Variants in QTRT1 observed in about 807,000 individuals in gnomAD.
The protein encoded by QTRT1 is TGT, 43-KD subunit.
A neutral mutation model predicts 44.0 loss-of-function variants in QTRT1; 41 were observed. That is an observed-to-expected ratio of 0.93 (90% CI 0.73 to 1.21). The LOEUF (loss-of-function observed/expected upper bound fraction) is 1.21. Among genes scored for constraint, QTRT1 ranks in the 50% most tolerant of loss-of-function variants. QTRT1 has a pLI of 0.00. For missense variants in QTRT1, 542 were observed against 575.8 expected (o/e 0.94, Z 0.60); for synonymous variants, 226 against 237.1 (o/e 0.95, Z 0.43).
At chr19:10,710,319 A>AT (rs1313603516) in intron 5 of QTRT1, among the ~76,000 whole-genome samples, 2 of 151,892 alleles carry the variant, frequency 1.3e-5, no homozygotes, top group African/African-American at 4.8e-5. Context: ...ATTTTTATTT[A>AT]TTTTTTATTT....
Position 10,712,193 on chromosome 19 carries a change from A to C in QTRT1, c.679A>C (p.Ile227Leu), listed in dbSNP as rs1383197345. ...CAAGCGAGACGTGCCTGGCTTCGCC[A>C]TCGGGGGCCTGAGCGGGGGTGAGAG... ...MTKRDVPGFA[I>L]GGLSGGESKS... The change falls in exon 6 of 10, where the codon ATC becomes CTC. Residue 227 changes from isoleucine to leucine, a missense_variant. Physicochemically the swap from Ile to Leu is conservative, Grantham distance 5. Coordinates refer to ENST00000250237, the MANE Select transcript of QTRT1 (RefSeq NM_031209.3). This position sits in a 1 kb window ranked among gnomAD's most constrained non-coding sequence, Gnocchi z 5.6. The C allele has an allele frequency of 6.2e-7, 1 of 1,613,756 alleles. No homozygotes were observed. Among genetic ancestry groups the C allele is most frequent in the East Asian group, 2.2e-5 (1 of 44,886 alleles).
intron 3 of QTRT1, among the ~76,000 whole-genome samples, chr19:10,706,534 G>A (rs980745024): frequency 1.3e-5 from 2 of 151,740 alleles, no homozygotes; most frequent in East Asian, 3.9e-4. Context: ...CACCACGCCC[G>A]GCTAATTTTT....
rs761863200 is a variant in QTRT1 at position 10,713,114 on chromosome 19, G to A, written c.1060-4G>A. On this transcript the variant is annotated splice_region_variant and splice_polypyrimidine_tract_variant and intron_variant, in intron 9 of 9. Coordinates refer to ENST00000250237, the MANE Select transcript of QTRT1 (RefSeq NM_031209.3). This position sits in a 1 kb window ranked among gnomAD's most constrained non-coding sequence, Gnocchi z 4.3. Reference sequence around the variant, plus strand: ...TGCCCCACGCTGACCTCCCCTCCCCGCAGCTGCAGCTCATGAGCGCCGTCC... The same window carrying A: ...TGCCCCACGCTGACCTCCCCTCCCCACAGCTGCAGCTCATGAGCGCCGTCC... 6.2e-6 allele frequency: 10 copies of A among 1,608,646 alleles called. No individual in the cohort carries two copies. Among genetic ancestry groups the A allele is most frequent in the East Asian group, 2.2e-5 (1 of 44,856 alleles).
At chr19:10,701,864 G>GA in intron 1 of QTRT1, 86 bp from the exon 2 acceptor site, 2 of 1,579,688 alleles carry the variant, frequency 1.3e-6, no homozygotes, top group Middle Eastern at 1.8e-4. Flanking sequence ...GAGCAGCAGG[G>GA]ACTAAAGCTG....
At chr19:10,701,915 C>A in intron 1 of QTRT1, 35 bp from the exon 2 acceptor site, 1 of 1,611,882 alleles carries the variant, frequency 6.2e-7, no homozygotes, top group South Asian at 1.1e-5. Context: ...GGGACGCGGT[C>A]ACCCCTAACC....
chr19:10,712,058 T>G lies in QTRT1; in HGVS notation c.647-103T>G, dbSNP rs754606296. 160 of 1,441,464 alleles carry G rather than the reference T, an allele frequency of 1.1e-4. No homozygotes were observed. The highest frequency in any genetic ancestry group is 1.5e-4 in the Non-Finnish European group (154 of 1,038,300). The allele number at this position is 1,441,464 out of a possible 1,614,324, so 89.3% of individuals were successfully genotyped here. ...GTCTGTCTCTGTCTGTTTCTCTGAC[T>G]CTCTCCCTGAGCGACTCTGGAAGTC... On this transcript the variant is annotated intron_variant, in intron 5 of 9. Transcript: ENST00000250237. This position sits in a 1 kb window ranked among gnomAD's most constrained non-coding sequence, Gnocchi z 5.6.
chr19:10,712,908 G>T lies in QTRT1; in HGVS notation c.971+41G>T, dbSNP rs574295916. 1.2e-6 allele frequency: 2 copies of T among 1,612,780 alleles called. No homozygotes were observed. Among genetic ancestry groups the T allele is most frequent in the Non-Finnish European group, 8.5e-7 (1 of 1,179,288 alleles). ...CTGGGAGCTGGGGCAGGGCATGGAG[G>T]GGACAGGGCCTGGCCGTGCTGAGCT... On this transcript the variant is annotated intron_variant, in intron 8 of 9. Coordinates refer to ENST00000250237, the MANE Select transcript of QTRT1 (RefSeq NM_031209.3). This position sits in a 1 kb window ranked among gnomAD's most constrained non-coding sequence, Gnocchi z 5.6.
Position 10,712,664 on chromosome 19 carries a change from C to A in QTRT1, c.861+36C>A. On this transcript the variant is annotated intron_variant, in intron 7 of 9. Transcript: ENST00000250237. The surrounding 1 kb of genome is among the most constrained non-coding windows in gnomAD (Gnocchi z 5.6). ...GGCAGAAGGAGGTCAGGGCGGGAGA[C>A]GGGTGGGGGACTAGGGAGGCAAGGT... 6.8e-7 allele frequency: 1 copy of A among 1,476,076 alleles called. No homozygotes were observed. Among genetic ancestry groups the A allele is most frequent in the Non-Finnish European group, 9.2e-7 (1 of 1,081,494 alleles). The allele number at this position is 1,476,076 out of a possible 1,614,324, so 91.4% of individuals were successfully genotyped here.
intron 5 of QTRT1, 175 bp from the exon 6 acceptor site, chr19:10,711,986 C>G: frequency 1.4e-6 from 1 of 736,086 alleles, no homozygotes; most frequent in East Asian, 2.7e-5. Context: ...GATGGACCCT[C>G]TCCTCTGTCT....
intron 3 of QTRT1, among the ~76,000 whole-genome samples, chr19:10,704,814 C>T (rs1403889925): frequency 5.5e-5 from 8 of 146,742 alleles, no homozygotes; most frequent in South Asian, 2.2e-4. Context: ...CTTGAACTCC[C>T]GACCTCAGGT....
Position 10,701,477 on chromosome 19 carries a change from C to T in QTRT1, c.17C>T (p.Thr6Ile), listed in dbSNP as rs1245969936. 1.3e-6 allele frequency: 2 copies of T among 1,560,884 alleles called. No homozygotes were observed. Among genetic ancestry groups the T allele is most frequent in the Admixed American group, 1.8e-5 (1 of 55,576 alleles). MAGAA[T>I]QASLESAPRI... ...ACAGTCAAGATGGCGGGAGCAGCTA[C>T]CCAGGCTTCCCTGGAGTCGGCCCCA... The change falls in exon 1 of 10, where the codon ACC becomes ATC. Residue 6 changes from threonine (T) to isoleucine (I), a missense_variant. Physicochemically the swap from Thr to Ile is moderately conservative, Grantham distance 89 (BLOSUM62 -1). Coordinates refer to ENST00000250237, the MANE Select transcript of QTRT1 (RefSeq NM_031209.3).
chr19:10,703,575 G>A lies in QTRT1; in HGVS notation c.451+1321G>A, dbSNP rs556195722. On this transcript the variant is annotated intron_variant, in intron 3 of 9. Transcript: ENST00000250237. The stretch of plus-strand genomic sequence containing the variant: ...CTGTAATCCCAGCACTTTGGGAGGC[G>A]GAGGCGCGATCATGACTCACTGCAA... 4.2e-4 allele frequency among the ~76,000 whole-genome samples: 64 copies of A among 152,188 alleles called. 1 individual carries two copies. Among genetic ancestry groups the A allele is most frequent in the African/African-American group, 1.3e-3 (55 of 41,558 alleles).
In QTRT1 at chr19:10,712,452, C is replaced by G; in HGVS notation, c.786-101C>G. The G allele has an allele frequency of 1.4e-6, 2 of 1,441,240 alleles. No homozygotes were observed. The highest frequency in any genetic ancestry group is 1.9e-6 in the Non-Finnish European group (2 of 1,029,206). 89.3% of individuals were successfully genotyped at this position (1,441,240 alleles called of 1,614,324 possible). A position where few individuals can be genotyped will look rare whatever the true frequency, so the allele number is the denominator to read the frequency against. On this transcript the variant is annotated intron_variant, in intron 6 of 9. Transcript: ENST00000250237. This position sits in a 1 kb window ranked among gnomAD's most constrained non-coding sequence, Gnocchi z 5.6. ...ACATGGCTGTCCCTTGGGGGCCATT[C>G]TGAGGGAATATGGCCCAGTCTGGGG...
chr19:10,705,073 G>A lies in QTRT1; in HGVS notation c.452-2229G>A, dbSNP rs768389797. On this transcript the variant is annotated intron_variant, in intron 3 of 9. Coordinates refer to ENST00000250237, the MANE Select transcript of QTRT1 (RefSeq NM_031209.3). The stretch of plus-strand genomic sequence containing the variant: ...TGGGACTACAGGTGCCTGCCACCAC[G>A]CCTGGTAATTTTTGTACTTTTAGTA... 1.9e-4 allele frequency among the ~76,000 whole-genome samples: 29 copies of A among 149,810 alleles called. 1 individual carries two copies. The highest frequency in any genetic ancestry group is 4.2e-4 in the South Asian group (2 of 4,758).
chr19:10,701,552 G>A lies in QTRT1; in HGVS notation c.92G>A (p.Gly31Asp), dbSNP rs1282164984. The A allele has an allele frequency of 1.2e-6, 2 of 1,605,134 alleles. No individual in the cohort carries two copies. Among genetic ancestry groups the A allele is most frequent in the Non-Finnish European group, 1.7e-6 (2 of 1,175,920 alleles). Reference protein sequence around the residue: ...AECSRSRARAGELWLPHGTVA... With the variant: ...AECSRSRARADELWLPHGTVA... Reference sequence around the variant, plus strand: ...TGCAGCCGCTCCAGGGCCCGGGCAGGCGAGCTGTGGCTGCCGCATGGGACA... The same window carrying A: ...TGCAGCCGCTCCAGGGCCCGGGCAGACGAGCTGTGGCTGCCGCATGGGACA... Residue 31 changes from glycine to aspartate, a missense_variant, in exon 1 of 10, where the codon GGC (glycine) becomes GAC (aspartate). Gly to Asp is a moderately conservative substitution (Grantham distance 94). Transcript: ENST00000250237.
In QTRT1 at chr19:10,701,520, G is replaced by T; in HGVS notation, c.60G>T (p.Val20=). 2 of 1,594,686 alleles carry T rather than the reference G, an allele frequency of 1.3e-6. No homozygotes were observed. Among genetic ancestry groups the T allele is most frequent in the Non-Finnish European group, 1.7e-6 (2 of 1,168,906 alleles). ...LESAPRIMRL[V]AECSRSRARA... ...CGGCCCCACGGATCATGCGGCTGGTGGCCGAATGCAGCCGCTCCAGGGCCC... is the reference window on the plus strand; with the variant it reads ...CGGCCCCACGGATCATGCGGCTGGTTGCCGAATGCAGCCGCTCCAGGGCCC... Residue 20 remains valine (V), a synonymous_variant, in exon 1 of 10, where the codon GTG becomes GTT. Transcript: ENST00000250237.
In QTRT1 at chr19:10,712,302, A is replaced by G. The variant is rs377112671; in HGVS notation, c.785+3A>G. 1.9e-6 allele frequency: 3 copies of G among 1,606,144 alleles called. No individual in the cohort carries two copies. The highest frequency in any genetic ancestry group is 1.7e-5 in the Admixed American group (1 of 59,406). On this transcript the variant is annotated splice_donor_region_variant and intron_variant, in intron 6 of 9. Transcript: ENST00000250237. This position sits in a 1 kb window ranked among gnomAD's most constrained non-coding sequence, Gnocchi z 5.6. ...CCCCGATATCTGATGGGGGTTGGGTATGTTGTGGATAGGGAAGCCAGAGCC... is the reference window on the plus strand; with the variant it reads ...CCCCGATATCTGATGGGGGTTGGGTGTGTTGTGGATAGGGAAGCCAGAGCC...
At chr19:10,705,638 C>T (rs540618165) in intron 3 of QTRT1, among the ~76,000 whole-genome samples, 2 of 151,500 alleles carry the variant, frequency 1.3e-5, no homozygotes, top group African/African-American at 4.8e-5. Flanking sequence ...TGGGTTCAAG[C>T]GATTCTCCTG....
At position 10,701,477 on chromosome 19, in the gene QTRT1, C is replaced by A; in HGVS notation, c.17C>A (p.Thr6Asn). MAGAA[T>N]QASLESAPRI... ...ACAGTCAAGATGGCGGGAGCAGCTA[C>A]CCAGGCTTCCCTGGAGTCGGCCCCA... Residue 6 changes from threonine to asparagine, a missense_variant, in exon 1 of 10, where the codon ACC (threonine) becomes AAC (asparagine). Physicochemically the swap from Thr to Asn is moderately conservative, Grantham distance 65 (BLOSUM62 0). Coordinates refer to ENST00000250237, the MANE Select transcript of QTRT1 (RefSeq NM_031209.3). The A allele has an allele frequency of 1.3e-6, 2 of 1,560,884 alleles. No individual in the cohort carries two copies. Among genetic ancestry groups the A allele is most frequent in the Non-Finnish European group, 8.7e-7 (1 of 1,150,080 alleles).
Sources: allele counts gnomAD v4.1 joint callset (sites outside exome capture counted in the v4.1 genomes callset), GRCh38; gene constraint gnomAD v4.1.1; non-coding constraint Gnocchi (gnomAD v3.1); transcripts MANE v1.5; gene names NCBI Gene and HGNC (gene_info 2026-07-23, HGNC 2026-07-21).